LARGE1: variants seen among roughly 807,000 people sequenced by gnomAD.
The protein encoded by LARGE1 is LARGE xylosyl- and glucuronyltransferase 1.
In LARGE1, 43 loss-of-function variants were observed where a neutral mutation model predicts 87.6. The ratio of observed to expected loss-of-function variants is 0.49; its 90% CI spans 0.38 to 0.63. The LOEUF (loss-of-function observed/expected upper bound fraction) is 0.63, where lower values mean the gene tolerates loss of function less well. Among genes scored for constraint, LARGE1 ranks in the 30% least tolerant of loss-of-function variants. The pLI is 0.00. For synonymous variants in LARGE1, 434 were observed against 394.6 expected (o/e 1.10, Z -1.18); for missense variants, 802 against 1,000.2 (o/e 0.80, Z 2.67).
chr22:33,714,557 G>A (rs1274972473), intron 2 of LARGE1, among the ~76,000 whole-genome samples: 1 of 152,118 alleles, frequency 6.6e-6, no homozygotes, highest in Non-Finnish European at 1.5e-5. Context: ...ATTAAGAACT[G>A]TAATATAAAT....
At chr22:33,864,639 G>T (rs2064032050) in intron 1 of LARGE1, among the ~76,000 whole-genome samples, 1 of 152,196 alleles carries the variant, frequency 6.6e-6, no homozygotes, top group Non-Finnish European at 1.5e-5. Context: ...TCAAATGCTG[G>T]ACTGATGGAT....
At chr22:33,716,219 A>G (rs2082902709) in intron 2 of LARGE1, among the ~76,000 whole-genome samples, 1 of 152,202 alleles carries the variant, frequency 6.6e-6, no homozygotes, top group Non-Finnish European at 1.5e-5. Flanking sequence ...ATTTGAATTT[A>G]TGATAATAAA....
chr22:33,503,754 G>A (rs951363892), intron 6 of LARGE1, among the ~76,000 whole-genome samples: 30 of 151,652 alleles, frequency 2.0e-4, no homozygotes, highest in Non-Finnish European at 4.1e-4. Flanking sequence ...AGCCAAGATC[G>A]CATCACTGCA....
At chr22:33,104,913 TTCTTTC>T in the LARGE1 span, among the ~76,000 whole-genome samples, 1 of 66,020 alleles carries the variant, frequency 1.5e-5, no homozygotes, top group East Asian at 4.1e-4. Flanking sequence ...CTTTCTTTCT[TTCTTTC>T]TTTCTTTCTT....
intron 11 of LARGE1, among the ~76,000 whole-genome samples, chr22:33,314,085 A>T (rs1935891349): frequency 6.6e-6 from 1 of 152,118 alleles, no homozygotes; most frequent in African/African-American, 2.4e-5. Context: ...GGATGTGGAG[A>T]TGAGAAAACT....
the LARGE1 span, among the ~76,000 whole-genome samples, chr22:33,131,033 C>CAAAAAAAAA: frequency 6.3e-4 from 45 of 70,910 alleles, no homozygotes; most frequent in African/African-American, 1.7e-3. Flanking sequence ...GACTCCGTCT[C>CAAAAAAAAA]AAAAAAAAAA....
At chr22:33,504,978 C>T (rs73168505) in intron 6 of LARGE1, among the ~76,000 whole-genome samples, 6,114 of 152,318 alleles carry the variant, frequency 0.04, 143 homozygotes, top group Non-Finnish European at 0.051. Flanking sequence ...TGACAACCTC[C>T]AGGTGGCAAA....
intron 6 of LARGE1, among the ~76,000 whole-genome samples, chr22:33,547,071 A>T (rs2077380004): frequency 6.6e-6 from 1 of 151,624 alleles, no homozygotes; most frequent in Non-Finnish European, 1.5e-5. Context: ...TTTCTCTTCT[A>T]AGATGTGGAC....
At chr22:33,730,986 C>G (rs1376548124) in intron 2 of LARGE1, among the ~76,000 whole-genome samples, 1 of 148,180 alleles carries the variant, frequency 6.7e-6, no homozygotes, top group Non-Finnish European at 1.5e-5. Flanking sequence ...TGAACCACTG[C>G]GCCCAGCCTG....
intron 4 of LARGE1, among the ~76,000 whole-genome samples, chr22:33,610,058 G>T (rs934457745): frequency 1.3e-5 from 2 of 152,114 alleles, no homozygotes; most frequent in Admixed American, 1.3e-4. Context: ...ACAGCCTGCA[G>T]AATCATGAGC....
intron 6 of LARGE1, among the ~76,000 whole-genome samples, chr22:33,534,635 T>C (rs1264570232): frequency 1.3e-5 from 2 of 151,684 alleles, no homozygotes; most frequent in Admixed American, 6.6e-5. Flanking sequence ...AGAGTGTGGA[T>C]TATTAGAATT....
chr22:33,393,639 T>C (rs942765530), intron 7 of LARGE1, among the ~76,000 whole-genome samples: 2 of 152,228 alleles, frequency 1.3e-5, no homozygotes, highest in Non-Finnish European at 2.9e-5. Context: ...AAGCTTGACT[T>C]TGGCCTTTGC....
chr22:33,408,131 A>T (rs2147398017), intron 7 of LARGE1, among the ~76,000 whole-genome samples: 1 of 151,904 alleles, frequency 6.6e-6, no homozygotes, highest in East Asian at 1.9e-4. Flanking sequence ...CAGGCGTGCA[A>T]CACCACGCCC....
At chr22:33,227,232 T>C (rs1387100211) in intron 11 of LARGE1, among the ~76,000 whole-genome samples, 2 of 152,318 alleles carry the variant, frequency 1.3e-5, no homozygotes, top group African/African-American at 4.8e-5. Flanking sequence ...TACAGACAGC[T>C]AGTGGCAGAT....
At chr22:33,413,716 C>T (rs944505413) in intron 7 of LARGE1, among the ~76,000 whole-genome samples, 7 of 152,058 alleles carry the variant, frequency 4.6e-5, no homozygotes, top group Non-Finnish European at 7.4e-5. Context: ...CTGCCCGCCT[C>T]GGCCTCCCAA....
At chr22:33,096,415 C>CAAAAAA in the LARGE1 span, among the ~76,000 whole-genome samples, 1 of 62,952 alleles carries the variant, frequency 1.6e-5, no homozygotes, top group Admixed American at 1.7e-4. Context: ...AACTCCATCT[C>CAAAAAA]AAAAAAAAAA....
chr22:33,213,909 G>A (rs137451), intron 11 of LARGE1, among the ~76,000 whole-genome samples: 34,311 of 151,898 alleles, frequency 0.23, 6,719 homozygotes, highest in African/African-American at 0.53. Flanking sequence ...GCTCACTGCA[G>A]GCTCCGCCTC....
intron 6 of LARGE1, among the ~76,000 whole-genome samples, chr22:33,512,576 G>T (rs2071104995): frequency 6.6e-6 from 1 of 152,246 alleles, no homozygotes; most frequent in Admixed American, 6.5e-5. Flanking sequence ...GCCGAGGCAG[G>T]AAGATCACCT....
chr22:33,468,225 C>G (rs2068695237), intron 6 of LARGE1, among the ~76,000 whole-genome samples: 1 of 152,178 alleles, frequency 6.6e-6, no homozygotes, highest in African/African-American at 2.4e-5. Context: ...CAATTCACCC[C>G]TCTCAAGCCT....
Sources: allele counts gnomAD v4.1 joint callset (sites outside exome capture counted in the v4.1 genomes callset), GRCh38; gene constraint gnomAD v4.1.1; transcripts MANE v1.5; gene names NCBI Gene and HGNC (gene_info 2026-07-23, HGNC 2026-07-21).